NFIA: variants seen among roughly 807,000 people sequenced by gnomAD.
NFIA encodes nuclear factor 1 A-type.
In NFIA, 8 loss-of-function variants were observed where a neutral mutation model predicts 62.8. The observed-to-expected ratio is 0.13, with a 90% confidence interval of 0.07 to 0.23. The LOEUF is 0.23. Among genes scored for constraint, NFIA ranks in the 10% least tolerant of loss-of-function variants. The pLI, the probability that NFIA is intolerant of heterozygous loss-of-function variation, is 1.00. For missense variants in NFIA, 410 were observed against 642.1 expected (o/e 0.64, Z 3.91); for synonymous variants, 235 against 238.1 (o/e 0.99, Z 0.12).
At chr1:61,204,561 G>A (rs1652767107) in intron 2 of NFIA, among the ~76,000 whole-genome samples, 1 of 151,852 alleles carries the variant, frequency 6.6e-6, no homozygotes, top group Non-Finnish European at 1.5e-5. Flanking sequence ...CATTTTATTT[G>A]TATCTATATT....
At chr1:61,200,141 G>A (rs540402895) in intron 2 of NFIA, among the ~76,000 whole-genome samples, 1 of 146,790 alleles carries the variant, frequency 6.8e-6, no homozygotes, top group African/African-American at 2.5e-5. Flanking sequence ...GACAAACTGG[G>A]GTATTTTAAA....
intron 3 of NFIA, among the ~76,000 whole-genome samples, chr1:61,320,486 GTTTTA>G (rs537332365): frequency 1.3e-5 from 2 of 152,126 alleles, no homozygotes; most frequent in Non-Finnish European, 2.9e-5. Flanking sequence ...ACATTAGCTA[GTTTTA>G]TTTTATATTT....
intron 3 of NFIA, among the ~76,000 whole-genome samples, chr1:61,310,043 A>G (rs1397868990): frequency 6.6e-6 from 1 of 152,226 alleles, no homozygotes; most frequent in East Asian, 1.9e-4. Context: ...ATGTAAGAAT[A>G]CCTAGAGTGT....
chr1:61,204,185 G>A (rs1652740870), intron 2 of NFIA, among the ~76,000 whole-genome samples: 1 of 152,172 alleles, frequency 6.6e-6, no homozygotes, highest in Non-Finnish European at 1.5e-5. Context: ...CTCTTGAAGT[G>A]TATCTAGTTT....
Position 61,215,596 on chromosome 1 carries a change from T to G in NFIA, c.560-61924T>G, listed in dbSNP as rs141875458. On this transcript the variant is annotated intron_variant, in intron 2 of 10. Coordinates refer to ENST00000403491, the MANE Select transcript of NFIA (RefSeq NM_001134673.4). The stretch of plus-strand genomic sequence containing the variant: ...CTGAATAGAAAAAACTAAAGTAAAT[T>G]TCATCATCATTGTAGAAGTGTAACT... 2.8e-4 allele frequency among the ~76,000 whole-genome samples: 42 copies of G among 152,302 alleles called. No homozygotes were observed. In the East Asian group the frequency reaches 7.7e-3, roughly 28 times the overall value.
Position 61,088,138 on chromosome 1 carries a change from C to T in NFIA, c.28-11C>T, listed in dbSNP as rs1480288470. On this transcript the variant is annotated splice_polypyrimidine_tract_variant and intron_variant, in intron 1 of 10. Coordinates refer to ENST00000403491, the MANE Select transcript of NFIA (RefSeq NM_001134673.4). The surrounding 1 kb of genome is among the most constrained non-coding windows in gnomAD (Gnocchi z 4.5). ...TTCTACTTATATTTTTCTTTTTGTT[C>T]ATTTTCCTAGGATGAATTTCATCCT... 6.4e-7 allele frequency: 1 copy of T among 1,567,412 alleles called. No individual in the cohort carries two copies. Among genetic ancestry groups the T allele is most frequent in the Admixed American group, 2.0e-5 (1 of 48,800 alleles).
At chr1:61,179,272 G>C (rs1298430765) in intron 2 of NFIA, among the ~76,000 whole-genome samples, 1 of 152,206 alleles carries the variant, frequency 6.6e-6, no homozygotes, top group East Asian at 1.9e-4. Flanking sequence ...CTTTGGGGGT[G>C]ACAACCTTGT....
chr1:61,082,671 C>CTT lies in NFIA; in HGVS notation c.-120_-119dup. The CTT allele has an allele frequency of 6.6e-7, 1 of 1,515,912 alleles. No individual in the cohort carries two copies. The highest frequency in any genetic ancestry group is 2.5e-5 in the East Asian group (1 of 39,896). The allele number at this position is 1,515,912 out of a possible 1,614,324, so 93.9% of individuals were successfully genotyped here. On this transcript the variant is annotated 5_prime_UTR_variant, in exon 1 of 11. Coordinates refer to ENST00000403491, the MANE Select transcript of NFIA (RefSeq NM_001134673.4). ...CAGGCTTGATTTTTTTTTCTCCCCC[C>CTT]TTCTCTCTCTCTCTCTCTCTCTCTC...
At chr1:61,123,359 T>C (rs1646919365) in intron 2 of NFIA, among the ~76,000 whole-genome samples, 1 of 152,170 alleles carries the variant, frequency 6.6e-6, no homozygotes, top group African/African-American at 2.4e-5. Flanking sequence ...GTTTGTATAT[T>C]TTGTATTGAA....
intron 1 of NFIA, among the ~76,000 whole-genome samples, chr1:61,087,545 T>A (rs1646240257): frequency 6.6e-6 from 1 of 152,152 alleles, no homozygotes; most frequent in African/African-American, 2.4e-5. Context: ...TTATATGTAG[T>A]TATAATATTT....
intron 9 of NFIA, among the ~76,000 whole-genome samples, chr1:61,419,902 T>G (rs981557421): frequency 6.6e-6 from 1 of 152,166 alleles, no homozygotes; most frequent in African/African-American, 2.4e-5. Context: ...GTTGTGAGTT[T>G]TTGTTGTTGC....
chr1:61,314,632 C>CA (rs1329282138), intron 3 of NFIA, among the ~76,000 whole-genome samples: 1 of 152,166 alleles, frequency 6.6e-6, no homozygotes, highest in Non-Finnish European at 1.5e-5. Flanking sequence ...CAATGGTACT[C>CA]ACTTTATACT....
At chr1:61,290,836 T>G (rs1287921949) in intron 3 of NFIA, among the ~76,000 whole-genome samples, 2 of 151,608 alleles carry the variant, frequency 1.3e-5, no homozygotes, top group Non-Finnish European at 2.9e-5. Flanking sequence ...ATTATGCATT[T>G]TTTCCCCTTA....
intron 2 of NFIA, among the ~76,000 whole-genome samples, chr1:61,152,197 A>G (rs772937944): frequency 6.6e-6 from 1 of 152,116 alleles, no homozygotes; most frequent in Non-Finnish European, 1.5e-5. Context: ...CATATGGTCT[A>G]TCGATCATGA....
chr1:61,126,202 A>T (rs2100479774), intron 2 of NFIA, among the ~76,000 whole-genome samples: 1 of 152,212 alleles, frequency 6.6e-6, no homozygotes, highest in East Asian at 1.9e-4. Context: ...GATGAGGGAG[A>T]GCTCCCTTCA....
At chr1:61,223,538 T>G (rs550454648) in intron 2 of NFIA, among the ~76,000 whole-genome samples, 1 of 152,156 alleles carries the variant, frequency 6.6e-6, no homozygotes, top group East Asian at 1.9e-4. Context: ...CTCCACAAAT[T>G]TTAACTTATT....
intron 10 of NFIA, among the ~76,000 whole-genome samples, chr1:61,443,230 A>G (rs1667664641): frequency 6.6e-6 from 1 of 152,200 alleles, no homozygotes; most frequent in Admixed American, 6.5e-5. Flanking sequence ...CGCCAGACAG[A>G]GAGGAATCCC....
At chr1:61,092,416 T>C (rs1238873211) in intron 2 of NFIA, among the ~76,000 whole-genome samples, 1 of 152,184 alleles carries the variant, frequency 6.6e-6, no homozygotes, top group African/African-American at 2.4e-5. Context: ...TTTAGTGCAG[T>C]AGTTACTGAT....
chr1:61,296,889 C>T (rs1164928126), intron 3 of NFIA, among the ~76,000 whole-genome samples: 1 of 152,184 alleles, frequency 6.6e-6, no homozygotes, highest in African/African-American at 2.4e-5. Context: ...GAAAAGTCTT[C>T]GACTGTGCCA....
Sources: allele counts gnomAD v4.1 joint callset (sites outside exome capture counted in the v4.1 genomes callset), GRCh38; gene constraint gnomAD v4.1.1; non-coding constraint Gnocchi (gnomAD v3.1); transcripts MANE v1.5; gene names NCBI Gene and HGNC (gene_info 2026-07-23, HGNC 2026-07-21).